Variants in HSD17B4 observed in about 807,000 individuals in gnomAD.
HSD17B4 encodes the protein peroxisomal multifunctional enzyme type 2.
A neutral mutation model predicts 101.0 loss-of-function variants in HSD17B4; 70 were observed. The ratio of observed to expected loss-of-function variants is 0.69; its 90% confidence interval spans 0.57 to 0.85. The LOEUF (loss-of-function observed/expected upper bound fraction) is 0.85, where lower values mean the gene tolerates loss of function less well. Ranked by LOEUF, HSD17B4 falls within the 40% of genes least tolerant of loss-of-function variation. HSD17B4 has a pLI of 0.00. For missense variants in HSD17B4, 984 were observed against 892.4 expected (o/e 1.10, Z -1.31); for synonymous variants, 347 against 297.1 (o/e 1.17, Z -1.73).
At chr5:119,454,508 G>A (rs1754398850) in intron 1 of HSD17B4, among the ~76,000 whole-genome samples, 1 of 151,930 alleles carries the variant, frequency 6.6e-6, no homozygotes, top group Non-Finnish European at 1.5e-5. Context: ...GTCTCGCTTT[G>A]TTGCCCAGGC....
At chr5:119,462,758 A>C (rs987458667) in intron 2 of HSD17B4, among the ~76,000 whole-genome samples, 1 of 152,216 alleles carries the variant, frequency 6.6e-6, no homozygotes, top group Non-Finnish European at 1.5e-5. Flanking sequence ...TATGGGGTAC[A>C]GTGTGATATT....
At position 119,530,126 on chromosome 5, in the gene HSD17B4, A is replaced by G. The variant is rs1487171261; in HGVS notation, c.1854+146A>G. The G allele has an allele frequency of 1.8e-5, 12 of 675,562 alleles. 1 individual carries two copies. The highest frequency in any genetic ancestry group is 5.5e-5 in the East Asian group (2 of 36,318). The allele number at this position is 675,562 out of a possible 1,614,324, so 41.8% of individuals were successfully genotyped here. A position where few individuals can be genotyped will look rare whatever the true frequency, so the allele number is the denominator to read the frequency against. On this transcript the variant is annotated intron_variant, in intron 21 of 23. Transcript: ENST00000510025. ...GAAGTGAAAAACATTAATTCAAAAC[A>G]GCTTGGAATAGAAGGAATACTCTGG...
At chr5:119,541,806 G>A in intron 23 of HSD17B4, 99 bp from the exon 24 acceptor site, 1 of 747,330 alleles carries the variant, frequency 1.3e-6, no homozygotes, top group Non-Finnish European at 2.3e-6. Flanking sequence ...AGAATTATTA[G>A]CTCAATTGTA....
At chr5:119,454,069 T>A (rs1754351321) in intron 1 of HSD17B4, among the ~76,000 whole-genome samples, 1 of 152,214 alleles carries the variant, frequency 6.6e-6, no homozygotes, top group Admixed American at 6.5e-5. Flanking sequence ...TTTACACCAG[T>A]ACTCAGTACA....
At chr5:119,536,377 G>A (rs181622531) in intron 22 of HSD17B4, 46 bp from the exon 23 acceptor site, 2 of 1,584,936 alleles carry the variant, frequency 1.3e-6, no homozygotes, top group African/African-American at 2.7e-5. Context: ...CCCTCATTTT[G>A]TTGGAGAGAA....
intron 17 of HSD17B4, among the ~76,000 whole-genome samples, chr5:119,517,585 A>G (rs534592698): frequency 4.5e-4 from 69 of 152,222 alleles, no homozygotes; most frequent in Non-Finnish European, 8.2e-4. Flanking sequence ...TGGTGGGGAC[A>G]TGGAGAACCT....
intron 2 of HSD17B4, among the ~76,000 whole-genome samples, chr5:119,470,926 T>G (rs908824665): frequency 2.0e-5 from 3 of 152,218 alleles, no homozygotes; most frequent in East Asian, 3.8e-4. Context: ...GAGATTTGTT[T>G]GAGATAAATT....
At chr5:119,498,105 T>C (rs1750816314) in intron 12 of HSD17B4, among the ~76,000 whole-genome samples, 1 of 152,212 alleles carries the variant, frequency 6.6e-6, no homozygotes, top group Non-Finnish European at 1.5e-5. Flanking sequence ...TTGTATTCTT[T>C]CTTAAAAAAA....
intron 10 of HSD17B4, 179 bp downstream of exon 10, chr5:119,492,303 G>T: frequency 7.8e-6 from 5 of 645,132 alleles, no homozygotes; most frequent in Non-Finnish European, 1.4e-5. Flanking sequence ...TTGTCCTATA[G>T]GTCTGTGGCC....
intron 8 of HSD17B4, among the ~76,000 whole-genome samples, chr5:119,480,194 T>G (rs2126707848): frequency 6.6e-6 from 1 of 152,312 alleles, no homozygotes; most frequent in Admixed American, 6.5e-5. Flanking sequence ...ATTGTTTGTT[T>G]TCTTGAATTT....
At chr5:119,527,348 A>G (rs1753697002) in intron 20 of HSD17B4, 129 bp downstream of exon 20, 2 of 643,392 alleles carry the variant, frequency 3.1e-6, no homozygotes, top group Non-Finnish European at 5.7e-6. Context: ...TAAAAATAAG[A>G]TACAGCTTGT....
chr5:119,479,038 A>G lies in HSD17B4; in HGVS notation c.622+17A>G. 3 of 1,600,404 alleles carry G rather than the reference A, an allele frequency of 1.9e-6. No individual in the cohort carries two copies. The highest frequency in any genetic ancestry group is 1.7e-5 in the Admixed American group (1 of 59,928). On this transcript the variant is annotated intron_variant, in intron 8 of 23. Coordinates refer to ENST00000510025, the MANE Select transcript of HSD17B4 (RefSeq NM_000414.4). The stretch of plus-strand genomic sequence containing the variant: ...TGCCTGAAGGTAAGTAAGCAAGCTT[A>G]TATTTTTCAGTGCTGTTACTTACAA...
chr5:119,479,058 T>C (rs1318682319), intron 8 of HSD17B4, 37 bp downstream of exon 8: 1 of 1,456,220 alleles, frequency 6.9e-7, no homozygotes, highest in South Asian at 1.1e-5. Flanking sequence ...GTGCTGTTAC[T>C]TACAAACCTA....
chr5:119,514,914 TGA>T lies in HSD17B4; in HGVS notation c.1438-65_1438-64del. 15 of 897,102 alleles carry T rather than the reference TGA, an allele frequency of 1.7e-5. No individual in the cohort carries two copies. In the South Asian group the frequency reaches 2.0e-4, roughly 12 times the overall value. 55.6% of individuals were successfully genotyped at this position (897,102 alleles called of 1,614,324 possible). A position where few individuals can be genotyped will look rare whatever the true frequency, so the allele number is the denominator to read the frequency against. On this transcript the variant is annotated intron_variant, in intron 16 of 23. Coordinates refer to ENST00000510025, the MANE Select transcript of HSD17B4 (RefSeq NM_000414.4). The stretch of plus-strand genomic sequence containing the variant: ...TTGAAACATGATTGTGTATCAAATG[TGA>T]GTTTGGTTAAAGAGAATAATGATAA...
intron 9 of HSD17B4, among the ~76,000 whole-genome samples, chr5:119,490,847 C>T (rs1390792100): frequency 6.6e-6 from 1 of 152,176 alleles, no homozygotes; most frequent in African/African-American, 2.4e-5. Flanking sequence ...GGATTATAGG[C>T]GTGAGCTACC....
At chr5:119,523,836 T>G (rs990855308) in intron 17 of HSD17B4, among the ~76,000 whole-genome samples, 1 of 152,112 alleles carries the variant, frequency 6.6e-6, no homozygotes, top group African/African-American at 2.4e-5. Context: ...TCTGTTAGCC[T>G]CTAAATGTTT....
intron 2 of HSD17B4, among the ~76,000 whole-genome samples, chr5:119,459,812 T>C (rs1481155811): frequency 1.3e-5 from 2 of 152,122 alleles, no homozygotes; most frequent in Non-Finnish European, 2.9e-5. Flanking sequence ...CATGAATAGA[T>C]TAATGCATTT....
At chr5:119,454,280 C>A (rs1186989503) in intron 1 of HSD17B4, among the ~76,000 whole-genome samples, 2 of 151,990 alleles carry the variant, frequency 1.3e-5, no homozygotes, top group Non-Finnish European at 2.9e-5. Context: ...TGGTTAAATT[C>A]TCTCTTACCC....
intron 11 of HSD17B4, among the ~76,000 whole-genome samples, chr5:119,494,227 C>T (rs1477023265): frequency 6.6e-6 from 1 of 152,154 alleles, no homozygotes; most frequent in Non-Finnish European, 1.5e-5. Context: ...GCTGAATGCA[C>T]TTACATCCTC....
Sources: gnomAD v4.1 joint callset for allele counts (sites outside exome capture counted in the v4.1 genomes callset) on GRCh38, gnomAD v4.1.1 for gene constraint, MANE v1.5 for transcripts, NCBI Gene and HGNC (gene_info 2026-07-23, HGNC 2026-07-21) for gene names.